MYH9: variants seen among roughly 807,000 people sequenced by gnomAD.
The protein encoded by MYH9 is myosin-9.
MYH9 carries 29 observed loss-of-function variants against 241.9 expected under a neutral mutation model. The ratio of observed to expected loss-of-function variants is 0.12; its 90% CI spans 0.09 to 0.16. MYH9 has a LOEUF of 0.16. Ranked by LOEUF, MYH9 falls within the 10% of genes least tolerant of loss-of-function variation. The probability of loss-of-function intolerance (pLI) is 1.00; values close to 1 mark genes in which losing one functional copy is unlikely to be tolerated. For missense variants in MYH9, 1,803 were observed against 2,595.5 expected (o/e 0.69, Z 6.63); for synonymous variants, 1,047 against 1,062.6 (o/e 0.99, Z 0.29).
At chr22:36,331,280 C>T (rs897527212) in intron 3 of MYH9, among the ~76,000 whole-genome samples, 2 of 152,192 alleles carry the variant, frequency 1.3e-5, no homozygotes, top group African/African-American at 4.8e-5. Flanking sequence ...CGTCCTCACC[C>T]GCCTGCTGTC....
At chr22:36,379,504 G>A (rs62228869) in intron 1 of MYH9, among the ~76,000 whole-genome samples, 3,172 of 152,286 alleles carry the variant, frequency 0.021, 66 homozygotes, top group Non-Finnish European at 0.033. Context: ...GCGAGACTCC[G>A]TCTCAGAAAA....
intron 3 of MYH9, among the ~76,000 whole-genome samples, chr22:36,331,570 CT>C (rs1267873119): frequency 6.6e-6 from 1 of 152,184 alleles, no homozygotes; most frequent in Non-Finnish European, 1.5e-5. Context: ...GGGCTTAAGC[CT>C]CACTTCCTCT....
At chr22:36,316,384 C>T (rs1383562250) in intron 12 of MYH9, 133 bp downstream of exon 12, 2 of 1,350,328 alleles carry the variant, frequency 1.5e-6, no homozygotes, top group East Asian at 2.3e-5. Flanking sequence ...CCACACCCAA[C>T]CAAAGTCTTC....
In MYH9 at chr22:36,293,922, C is replaced by T; in HGVS notation, c.3838-59G>A. The T allele has an allele frequency of 6.6e-7, 1 of 1,518,918 alleles. No homozygotes were observed. Among genetic ancestry groups the T allele is most frequent in the Non-Finnish European group, 9.0e-7 (1 of 1,106,586 alleles). 94.1% of individuals were successfully genotyped at this position (1,518,918 alleles called of 1,614,324 possible). ...ACCCACCCCCACTGCTCCTGCCCCA[C>T]CTCATCTCCTTTAGGTAAAGCTGGA... On this transcript the variant is annotated intron_variant, in intron 28 of 40. Coordinates refer to ENST00000216181, the MANE Select transcript of MYH9 (RefSeq NM_002473.6). The surrounding 1 kb of genome is among the most constrained non-coding windows in gnomAD (Gnocchi z 5.1).
chr22:36,292,357 G>C, intron 30 of MYH9, 123 bp from the exon 31 acceptor site: 2 of 1,339,860 alleles, frequency 1.5e-6, no homozygotes, highest in South Asian at 2.4e-5. Flanking sequence ...GATCTGCCCA[G>C]TTATGAAACC....
intron 1 of MYH9, among the ~76,000 whole-genome samples, chr22:36,365,755 C>T (rs964080059): frequency 6.6e-6 from 1 of 152,186 alleles, no homozygotes; most frequent in Non-Finnish European, 1.5e-5. Flanking sequence ...GCCACCGCAC[C>T]CGGCCTTTTT....
chr22:36,285,075 G>A lies in MYH9; in HGVS notation c.5483+46C>T. 6.3e-7 allele frequency: 1 copy of A among 1,593,164 alleles called. No individual in the cohort carries two copies. The highest frequency in any genetic ancestry group is 8.6e-7 in the Non-Finnish European group (1 of 1,165,144). On this transcript the variant is annotated intron_variant, in intron 38 of 40. Transcript: ENST00000216181. The surrounding 1 kb of genome is among the most constrained non-coding windows in gnomAD (Gnocchi z 7.0). ...TGGGCAGGACTGCAGGGGGGCCAGA[G>A]TTTTTTCCAGGACAGCTGGGGTTGG...
Position 36,285,899 on chromosome 22 carries a change from G to C in MYH9, c.5116C>G (p.Leu1706Val). Reference sequence around the variant, plus strand: ...CTGCTGTTGGCGATCTCGTCAGCCAGCTCATCCCGCTCCTGCTGGGCCTGG... The same window carrying C: ...CTGCTGTTGGCGATCTCGTCAGCCACCTCATCCCGCTCCTGCTGGGCCTGG... ...KRQAQQERDE[L>V]ADEIANSSGK... Residue 1706 changes from leucine to valine, a missense_variant, in exon 36 of 41, where the codon CTG (leucine) becomes GTG (valine). Physicochemically the swap from Leu to Val is conservative, Grantham distance 32. Transcript: ENST00000216181. The surrounding 1 kb of genome is among the most constrained non-coding windows in gnomAD (Gnocchi z 7.0). 1.2e-6 allele frequency: 2 copies of C among 1,613,184 alleles called. No homozygotes were observed. The highest frequency in any genetic ancestry group is 2.7e-5 in the African/African-American group (2 of 75,000).
Position 36,282,501 on chromosome 22 carries a change from C to T in MYH9, c.*167G>A. Reference sequence around the variant, plus strand: ...GGATGCAGCAGAGGAAGCCAAATGCCCTCAACAACACCTGGAGGGAAACGG... The same window carrying T: ...GGATGCAGCAGAGGAAGCCAAATGCTCTCAACAACACCTGGAGGGAAACGG... On this transcript the variant is annotated 3_prime_UTR_variant, in exon 41 of 41. Transcript: ENST00000216181. 1 of 768,380 alleles carries T rather than the reference C, an allele frequency of 1.3e-6. No individual in the cohort carries two copies. The highest frequency in any genetic ancestry group is 1.7e-5 in the Admixed American group (1 of 58,462). 47.6% of individuals were successfully genotyped at this position (768,380 alleles called of 1,614,324 possible).
chr22:36,356,197 C>T (rs991792187), intron 1 of MYH9, among the ~76,000 whole-genome samples: 1 of 152,214 alleles, frequency 6.6e-6, no homozygotes, highest in Admixed American at 6.5e-5. Flanking sequence ...TCCTGGAGAA[C>T]ACAGGTGAAC....
chr22:36,301,535 T>C lies in MYH9; in HGVS notation c.2630A>G (p.Gln877Arg). 1.2e-6 allele frequency: 2 copies of C among 1,613,434 alleles called. No homozygotes were observed. The highest frequency in any genetic ancestry group is 1.7e-6 in the Non-Finnish European group (2 of 1,180,028). ...GACTGAGCCTGCACTGACACCCACCTGAGACTGCAGCGTCTCCATCTCCGT... is the reference window on the plus strand; with the variant it reads ...GACTGAGCCTGCACTGACACCCACCCGAGACTGCAGCGTCTCCATCTCCGT... ...RLTEMETLQSQLMAEKLQLQE... is the reference protein window; with the variant it reads ...RLTEMETLQSRLMAEKLQLQE... Residue 877 changes from glutamine (Q) to arginine (R), a missense_variant and splice_region_variant, in exon 21 of 41, where the codon CAG becomes CGG. By Grantham distance (43) the Gln-to-Arg change is conservative (BLOSUM62 1). Around this residue, in one of 11 missense-constraint regions of MYH9, gnomAD observed 290 missense variants for 360.5 expected, o/e 0.80. Transcript: ENST00000216181.
chr22:36,301,438 A>G lies in MYH9; in HGVS notation c.2631+96T>C, dbSNP rs538192877. ...CTCAGTTGTAGAAAACTCCTATAGT[A>G]ATAGAAACTTCCAGCATGCCGTGCC... On this transcript the variant is annotated intron_variant, in intron 21 of 40. Transcript: ENST00000216181. The G allele has an allele frequency of 7.8e-5, 120 of 1,530,670 alleles. No homozygotes were observed. In the East Asian group the frequency reaches 2.5e-3, roughly 32 times the overall value. The allele number at this position is 1,530,670 out of a possible 1,614,324, so 94.8% of individuals were successfully genotyped here. A position where few individuals can be genotyped will look rare whatever the true frequency, so the allele number is the denominator to read the frequency against.
In MYH9 at chr22:36,330,028, T is replaced by C. The variant is rs979212805; in HGVS notation, c.491-2540A>G. On this transcript the variant is annotated intron_variant, in intron 3 of 40. Coordinates refer to ENST00000216181, the MANE Select transcript of MYH9 (RefSeq NM_002473.6). The surrounding 1 kb of genome is among the most constrained non-coding windows in gnomAD (Gnocchi z 4.5). Reference sequence around the variant, plus strand: ...ACAGGTGAATGTGAACATACATGTATGTACATAGCCATGCACACACACGGA... The same window carrying C: ...ACAGGTGAATGTGAACATACATGTACGTACATAGCCATGCACACACACGGA... 3.3e-5 allele frequency among the ~76,000 whole-genome samples: 5 copies of C among 152,240 alleles called. No individual in the cohort carries two copies. Among genetic ancestry groups the C allele is most frequent in the South Asian group, 2.1e-4 (1 of 4,836 alleles).
Position 36,318,317 on chromosome 22 carries a change from T to C in MYH9, c.1117A>G (p.Lys373Glu). Residue 373 changes from lysine to glutamate, a missense_variant, in exon 11 of 41, where the codon AAG (lysine) becomes GAG (glutamate). Lys to Glu is a moderately conservative substitution (Grantham distance 56, BLOSUM62 1). Transcript: ENST00000216181. ...TTGATACCCAAGAGATGGGACACCT[T>C]TTGGGCAGCTAAGATTTTTCAGAGA... ...ASMPDNTAAQKVSHLLGINVT... is the reference protein window; with the variant it reads ...ASMPDNTAAQEVSHLLGINVT... The C allele has an allele frequency of 6.2e-7, 1 of 1,612,754 alleles. No individual in the cohort carries two copies. Among genetic ancestry groups the C allele is most frequent in the Non-Finnish European group, 8.5e-7 (1 of 1,178,840 alleles).
chr22:36,345,153 A>G (rs1310921219), intron 2 of MYH9, among the ~76,000 whole-genome samples: 1 of 152,092 alleles, frequency 6.6e-6, no homozygotes, highest in East Asian at 1.9e-4. Flanking sequence ...TCCACTAAAA[A>G]TACAAAAAAT....
At chr22:36,284,592 T>G in intron 38 of MYH9, 81 bp from the exon 39 acceptor site, 15 of 1,318,012 alleles carry the variant, frequency 1.1e-5, no homozygotes, top group Non-Finnish European at 1.4e-5. Context: ...GGACCACCCA[T>G]TCCCCGGGGC....
intron 1 of MYH9, among the ~76,000 whole-genome samples, chr22:36,369,408 GA>G (rs1206273459): frequency 6.6e-6 from 1 of 152,194 alleles, no homozygotes; most frequent in Non-Finnish European, 1.5e-5. Flanking sequence ...GCAAAGGCAG[GA>G]AACAGTGGGC....
intron 2 of MYH9, among the ~76,000 whole-genome samples, chr22:36,341,753 A>G (rs1267938379): frequency 1.3e-5 from 2 of 152,166 alleles, no homozygotes; most frequent in Non-Finnish European, 2.9e-5. Context: ...CTCCCTCTCC[A>G]CTGCAGGAGT....
chr22:36,311,954 G>A (rs1603483267), intron 14 of MYH9, 95 bp downstream of exon 14: 10 of 1,491,988 alleles, frequency 6.7e-6, no homozygotes, highest in South Asian at 3.4e-5. Flanking sequence ...ACACCCCTGC[G>A]TCCCCAGCAG....
Sources: gnomAD v4.1 joint callset for allele counts (sites outside exome capture counted in the v4.1 genomes callset) on GRCh38, gnomAD v4.1.1 for gene constraint, gnomAD v4.1.1 regional missense constraint, Gnocchi (gnomAD v3.1) non-coding constraint, MANE v1.5 for transcripts, NCBI Gene and HGNC (gene_info 2026-07-23, HGNC 2026-07-21) for gene names.